The following ARHGAP15 variants were observed in gnomAD, a reference collection of about 807,000 sequenced individuals.
ARHGAP15 encodes Rho GTPase activating protein 15, also known as rho GTPase-activating protein 15.
In ARHGAP15, 51 loss-of-function variants were observed where a neutral mutation model predicts 63.7. The observed-to-expected ratio is 0.80, with a 90% CI of 0.64 to 1.01. The LOEUF (loss-of-function observed/expected upper bound fraction) is 1.01. Ranked by LOEUF, ARHGAP15 falls within the 50% of genes least tolerant of loss-of-function variation. The pLI is 0.00. For missense variants in ARHGAP15, 560 were observed against 564.6 expected (o/e 0.99, Z 0.08); for synonymous variants, 191 against 193.8 (o/e 0.99, Z 0.12).
chr2:143,588,427 T>A (rs773568666), intron 11 of ARHGAP15, among the ~76,000 whole-genome samples: 1 of 152,168 alleles, frequency 6.6e-6, no homozygotes, highest in Non-Finnish European at 1.5e-5. Context: ...TGCATAGGTA[T>A]ACATGTGCCA....
chr2:143,354,185 T>C (rs1685706026), intron 6 of ARHGAP15, among the ~76,000 whole-genome samples: 1 of 152,124 alleles, frequency 6.6e-6, no homozygotes, highest in African/African-American at 2.4e-5. Context: ...ACTGGTAAGC[T>C]CTGAGGTTCA....
chr2:143,560,780 T>C (rs978220561), intron 11 of ARHGAP15, among the ~76,000 whole-genome samples: 9 of 152,244 alleles, frequency 5.9e-5, no homozygotes, highest in African/African-American at 1.9e-4. Context: ...GTATCTATGT[T>C]TGGCCCAAGA....
intron 11 of ARHGAP15, among the ~76,000 whole-genome samples, chr2:143,568,956 T>G (rs1696344337): frequency 6.6e-6 from 1 of 152,130 alleles, no homozygotes; most frequent in African/African-American, 2.4e-5. Flanking sequence ...AGGTGGGAAT[T>G]GAACAATGAG....
At chr2:143,439,109 G>A (rs1326142158) in intron 8 of ARHGAP15, among the ~76,000 whole-genome samples, 1 of 151,854 alleles carries the variant, frequency 6.6e-6, no homozygotes, top group African/African-American at 2.4e-5. Context: ...TCTACTTTGA[G>A]CTTAAACTCA....
At chr2:143,585,058 GA>G (rs1379796920) in intron 11 of ARHGAP15, among the ~76,000 whole-genome samples, 1 of 152,092 alleles carries the variant, frequency 6.6e-6, no homozygotes, top group Admixed American at 6.5e-5. Context: ...AAATCATCCC[GA>G]GGTTTAAAAT....
chr2:143,607,569 GAGAGAC>G (rs898466763), intron 11 of ARHGAP15: 9 of 151,806 alleles, frequency 5.9e-5, no homozygotes, highest in African/African-American at 2.2e-4. Context: ...GAGAGAGAGA[GAGAGAC>G]AGAGAGAGAG....
chr2:143,667,494 G>A (rs1232221681), intron 12 of ARHGAP15, among the ~76,000 whole-genome samples: 13 of 147,722 alleles, frequency 8.8e-5, no homozygotes, highest in South Asian at 4.3e-4. Flanking sequence ...TGGGTGCAGC[G>A]CACCAGCATG....
intron 5 of ARHGAP15, among the ~76,000 whole-genome samples, chr2:143,230,461 G>C (rs1693390697): frequency 6.6e-6 from 1 of 152,144 alleles, no homozygotes; most frequent in Non-Finnish European, 1.5e-5. Context: ...GTTGTAAGTT[G>C]ACAATAGACT....
chr2:143,452,891 C>A (rs1305548752), intron 8 of ARHGAP15, among the ~76,000 whole-genome samples: 1 of 151,844 alleles, frequency 6.6e-6, no homozygotes, highest in Non-Finnish European at 1.5e-5. Context: ...TAAGCTTTCC[C>A]ATTCTAAAAA....
chr2:143,314,427 A>G (rs1683601093), intron 6 of ARHGAP15: 1 of 152,190 alleles, frequency 6.6e-6, no homozygotes, highest in African/African-American at 2.4e-5. Flanking sequence ...TGGGCAGTGA[A>G]AGGCCTCCAT....
chr2:143,196,340 C>G (rs986494605), intron 2 of ARHGAP15, among the ~76,000 whole-genome samples: 5 of 151,948 alleles, frequency 3.3e-5, no homozygotes, highest in Non-Finnish European at 7.4e-5. Context: ...CAAATCATTC[C>G]TATTTGCAGG....
chr2:143,653,561 T>C (rs959586924), intron 12 of ARHGAP15, among the ~76,000 whole-genome samples: 1 of 152,158 alleles, frequency 6.6e-6, no homozygotes, highest in Non-Finnish European at 1.5e-5. Flanking sequence ...TTATTGTCTA[T>C]GGAATAGTGA....
chr2:143,276,000 C>T (rs552489964), intron 6 of ARHGAP15, among the ~76,000 whole-genome samples: 190 of 152,292 alleles, frequency 1.2e-3, no homozygotes, highest in African/African-American at 4.5e-3. Context: ...CAAGACAAAT[C>T]CATAAACCCA....
intron 3 of ARHGAP15, among the ~76,000 whole-genome samples, chr2:143,209,055 A>C (rs1213470526): frequency 6.6e-6 from 1 of 152,250 alleles, no homozygotes; most frequent in African/African-American, 2.4e-5. Flanking sequence ...GGATTAATTA[A>C]TAGTAGTGAG....
chr2:143,466,416 T>C (rs1691214763), intron 8 of ARHGAP15, among the ~76,000 whole-genome samples: 1 of 151,972 alleles, frequency 6.6e-6, no homozygotes, highest in Non-Finnish European at 1.5e-5. Context: ...CAATTTCTGC[T>C]TATGGGGAAA....
At chr2:143,515,614 A>G (rs972791409) in intron 9 of ARHGAP15, among the ~76,000 whole-genome samples, 2 of 152,224 alleles carry the variant, frequency 1.3e-5, no homozygotes, top group South Asian at 2.1e-4. Flanking sequence ...ATCTTTTGCT[A>G]TATAGTCCTG....
At chr2:143,510,018 T>TAA (rs35469918) in intron 9 of ARHGAP15, among the ~76,000 whole-genome samples, 2,211 of 48,812 alleles carry the variant, frequency 0.045, 138 homozygotes, top group South Asian at 0.069. Context: ...GACTCCCTCT[T>TAA]AAAAAAAAAA....
chr2:143,234,123 C>G (rs760345954), intron 5 of ARHGAP15, among the ~76,000 whole-genome samples: 3 of 152,064 alleles, frequency 2.0e-5, no homozygotes, highest in Non-Finnish European at 4.4e-5. Flanking sequence ...TAGGTATCTT[C>G]CAGTTCTTCT....
chr2:143,153,879 C>CTCCTCCTCCTCT (rs1689971876), intron 1 of ARHGAP15, among the ~76,000 whole-genome samples: 4 of 74,212 alleles, frequency 5.4e-5, no homozygotes, highest in Admixed American at 1.9e-4. Flanking sequence ...CCTCTTCCTC[C>CTCCTCCTCCTCT]TCCTCCTCCT....
Sources: gnomAD v4.1 joint callset for allele counts (sites outside exome capture counted in the v4.1 genomes callset) on GRCh38, gnomAD v4.1.1 for gene constraint, MANE v1.5 for transcripts, NCBI Gene and HGNC (gene_info 2026-07-23, HGNC 2026-07-21) for gene names.